Variants in EYS observed in about 807,000 individuals in gnomAD.
EYS encodes the protein EGF-like photoreceptor maintenance factor, also known as protein eyes shut homolog.
A neutral mutation model predicts 282.1 loss-of-function variants in EYS; 250 were observed. The ratio of observed to expected loss-of-function variants is 0.89; its 90% CI spans 0.80 to 0.98. EYS has a LOEUF of 0.98. EYS is among the 50% of genes least tolerant of loss of function. EYS has a pLI of 0.00. For missense variants in EYS, 4,016 were observed against 3,709.0 expected (o/e 1.08, Z -2.15); for synonymous variants, 1,355 against 1,282.9 (o/e 1.06, Z -1.20).
chr6:63,766,309 G>A (rs78980764), intron 40 of EYS, among the ~76,000 whole-genome samples: 1,852 of 152,018 alleles, frequency 0.012, 31 homozygotes, highest in African/African-American at 0.043. Flanking sequence ...TTCTGACCCC[G>A]GCACTCTAGA....
intron 26 of EYS, among the ~76,000 whole-genome samples, chr6:64,583,701 A>T (rs766175202): frequency 6.6e-6 from 1 of 152,088 alleles, no homozygotes; most frequent in Non-Finnish European, 1.5e-5. Flanking sequence ...AGGCTGAGGC[A>T]GGAGAATTGC....
intron 26 of EYS, among the ~76,000 whole-genome samples, chr6:64,537,039 G>T: frequency 6.6e-6 from 1 of 150,902 alleles, no homozygotes; most frequent in African/African-American, 2.4e-5. Flanking sequence ...TAAGTTTTAG[G>T]GTACATGTGC....
chr6:63,926,412 GTTAAACA>G (rs1239907534), intron 35 of EYS, among the ~76,000 whole-genome samples: 3 of 152,176 alleles, frequency 2.0e-5, no homozygotes, highest in African/African-American at 7.2e-5. Flanking sequence ...GTATGTAAAA[GTTAAACA>G]TTAATACCAC....
At chr6:65,187,556 T>C (rs887427904) in intron 12 of EYS, among the ~76,000 whole-genome samples, 2 of 151,702 alleles carry the variant, frequency 1.3e-5, no homozygotes, top group Non-Finnish European at 3.0e-5. Flanking sequence ...TTCACTTCTA[T>C]TTGAGAATCA....
chr6:64,146,765 G>C (rs75195325), intron 31 of EYS, among the ~76,000 whole-genome samples: 9,142 of 152,136 alleles, frequency 0.06, 901 homozygotes, highest in African/African-American at 0.21. Flanking sequence ...GGCCCTAAAG[G>C]AGAAAAGTAG....
chr6:64,867,765 G>C (rs1345432859), intron 19 of EYS, among the ~76,000 whole-genome samples: 10 of 151,700 alleles, frequency 6.6e-5, no homozygotes, highest in African/African-American at 2.2e-4. Flanking sequence ...AAAATTCCAA[G>C]TCTATGTTAG....
At chr6:64,071,510 T>C (rs2149859609) in intron 32 of EYS, among the ~76,000 whole-genome samples, 1 of 151,814 alleles carries the variant, frequency 6.6e-6, no homozygotes, top group South Asian at 2.1e-4. Context: ...CACCAGTTAC[T>C]ACATAAATTA....
At chr6:65,511,128 G>A (rs1253095552) in intron 2 of EYS, among the ~76,000 whole-genome samples, 1 of 152,048 alleles carries the variant, frequency 6.6e-6, no homozygotes, top group Non-Finnish European at 1.5e-5. Context: ...ACAGTAACTA[G>A]ACTATTTTAT....
At chr6:65,487,524 C>T (rs1003100110) in intron 5 of EYS, among the ~76,000 whole-genome samples, 9 of 152,070 alleles carry the variant, frequency 5.9e-5, no homozygotes, top group South Asian at 2.1e-4. Context: ...GGTATGAAGC[C>T]GACTTGATCT....
intron 16 of EYS, among the ~76,000 whole-genome samples, chr6:64,905,549 T>A (rs1216491413): frequency 6.6e-6 from 1 of 152,196 alleles, no homozygotes; most frequent in African/African-American, 2.4e-5. Flanking sequence ...GAATGGTCAG[T>A]AAATGATATT....
Position 65,405,197 on chromosome 6 carries a change from T to G in EYS, c.1033A>C (p.Thr345Pro). ...EFSLVPCQNG[T>P]DCIKISNDVM... The stretch of plus-strand genomic sequence containing the variant: ...ACATTTGATATTTTGATGCAGTCAG[T>G]ACCATTCTGACATGGTACTAATGAA... Residue 345 changes from threonine (T) to proline (P), a missense_variant, in exon 6 of 43, where the codon ACT (threonine) becomes CCT (proline). By Grantham distance (38) the Thr-to-Pro change is conservative (BLOSUM62 -1). Transcript: ENST00000503581. 1 of 1,612,922 alleles carries G rather than the reference T, an allele frequency of 6.2e-7. No individual in the cohort carries two copies.
At position 64,230,796 on chromosome 6, in the gene EYS, C is replaced by T. The variant is rs1218317889; in HGVS notation, c.6220G>A (p.Ala2074Thr). Residue 2074 changes from alanine to threonine, a missense_variant, in exon 31 of 43, where the codon GCC (alanine) becomes ACC (threonine). Ala to Thr is a moderately conservative substitution (Grantham distance 58, BLOSUM62 0). Transcript: ENST00000503581. Reference protein sequence around the residue: ...RSQGFMLSPTASFVDASDVTQ... With the variant: ...RSQGFMLSPTTSFVDASDVTQ... ...ACATCAGAAGCATCAACAAAGGAGGCTGTTGGAGACAGCATAAATCCCTGG... is the reference window on the plus strand; with the variant it reads ...ACATCAGAAGCATCAACAAAGGAGGTTGTTGGAGACAGCATAAATCCCTGG... The T allele has an allele frequency of 1.3e-6, 2 of 1,549,728 alleles. No individual in the cohort carries two copies. The highest frequency in any genetic ancestry group is 3.9e-5 in the Admixed American group (2 of 50,948).
At chr6:64,249,897 G>C (rs1767150324) in intron 30 of EYS, among the ~76,000 whole-genome samples, 1 of 152,162 alleles carries the variant, frequency 6.6e-6, no homozygotes. Context: ...GAGTTTGTTA[G>C]TTGCAACCAA....
chr6:64,553,998 C>T (rs1344901727), intron 26 of EYS, among the ~76,000 whole-genome samples: 1 of 151,938 alleles, frequency 6.6e-6, no homozygotes, highest in Non-Finnish European at 1.5e-5. Context: ...ATAAAATAAA[C>T]TCACTTTTAA....
intron 12 of EYS, among the ~76,000 whole-genome samples, chr6:65,134,397 A>G (rs1775965123): frequency 6.6e-6 from 1 of 152,100 alleles, no homozygotes; most frequent in African/African-American, 2.4e-5. Context: ...AATATATACC[A>G]TAAAATACCA....
intron 22 of EYS, among the ~76,000 whole-genome samples, chr6:64,785,569 T>G (rs1401113385): frequency 6.6e-6 from 1 of 152,222 alleles, no homozygotes; most frequent in East Asian, 1.9e-4. Flanking sequence ...GAAAATACTC[T>G]GTCTTTATCC....
chr6:65,035,854 C>T (rs35592205), intron 13 of EYS, among the ~76,000 whole-genome samples: 109,258 of 148,098 alleles, frequency 0.74, 41,362 homozygotes, highest in East Asian at 0.99. Context: ...ATATAAACTA[C>T]TAATAATTTG....
At chr6:64,617,587 G>T (rs376405722) in intron 23 of EYS, 54 bp from the exon 24 acceptor site, 3 of 989,734 alleles carry the variant, frequency 3.0e-6, no homozygotes, top group Non-Finnish European at 4.7e-6. Context: ...AATAAAAACA[G>T]TTATGCTAAT....
At chr6:64,990,977 G>T (rs1359915699) in intron 14 of EYS, among the ~76,000 whole-genome samples, 2 of 151,440 alleles carry the variant, frequency 1.3e-5, no homozygotes, top group Non-Finnish European at 3.0e-5. Flanking sequence ...AAGAAATAAG[G>T]TTGCTTCAGA....
Sources: allele counts gnomAD v4.1 joint callset (sites outside exome capture counted in the v4.1 genomes callset), GRCh38; gene constraint gnomAD v4.1.1; transcripts MANE v1.5; gene names NCBI Gene and HGNC (gene_info 2026-07-23, HGNC 2026-07-21).